The following B4GALT5 variants were observed in gnomAD, a reference collection of about 807,000 sequenced individuals.
B4GALT5 encodes beta-1,4-galactosyltransferase 5.
Under a neutral mutation model 45.0 loss-of-function variants are expected in B4GALT5, and 11 were observed. The ratio of observed to expected loss-of-function variants is 0.24; its 90% CI spans 0.15 to 0.40. The LOEUF is 0.40. Among genes scored for constraint, B4GALT5 ranks in the 10% least tolerant of loss-of-function variants. The probability of loss-of-function intolerance (pLI) is 1.00; values close to 1 mark genes in which losing one functional copy is unlikely to be tolerated. For synonymous variants in B4GALT5, 185 were observed against 182.9 expected, an observed-to-expected ratio of 1.01 and a Z score of -0.09; for missense variants, 337 against 500.2, an observed-to-expected ratio of 0.67 and a Z score of 3.11.
chr20:49,676,467 A>G (rs947188192), intron 1 of B4GALT5, among the ~76,000 whole-genome samples: 1 of 152,238 alleles, frequency 6.6e-6, no homozygotes, highest in African/African-American at 2.4e-5. Flanking sequence ...TTATGCTAGG[A>G]GCAGAAATAA....
intron 1 of B4GALT5, among the ~76,000 whole-genome samples, chr20:49,707,793 T>C (rs921560004): frequency 6.6e-6 from 1 of 152,052 alleles, no homozygotes; most frequent in African/African-American, 2.4e-5. Flanking sequence ...TTTGTATTTT[T>C]AGTAGAGACG....
intron 8 of B4GALT5, 95 bp from the exon 9 acceptor site, chr20:49,636,554 G>A (rs1288170325): frequency 1.9e-5 from 26 of 1,365,712 alleles, no homozygotes; most frequent in Admixed American, 4.2e-5. Context: ...AGCAGAGGAC[G>A]CAACCCATGG....
chr20:49,674,711 GAAGAAA>G (rs758935358), intron 1 of B4GALT5, among the ~76,000 whole-genome samples: 37 of 151,504 alleles, frequency 2.4e-4, no homozygotes, highest in Non-Finnish European at 4.6e-4. Flanking sequence ...AGAAGAAGAA[GAAGAAA>G]AAGAATTGCA....
At chr20:49,669,371 C>T (rs2085705856) in intron 1 of B4GALT5, among the ~76,000 whole-genome samples, 1 of 152,114 alleles carries the variant, frequency 6.6e-6, no homozygotes, top group Non-Finnish European at 1.5e-5. Flanking sequence ...TCATCAACTT[C>T]TGATAAATAG....
chr20:49,678,908 TC>T (rs1414567715), intron 1 of B4GALT5, among the ~76,000 whole-genome samples: 2 of 152,054 alleles, frequency 1.3e-5, no homozygotes, highest in Middle Eastern at 3.4e-3. Flanking sequence ...CTGGGGGGAA[TC>T]CCCAGGGTTC....
intron 1 of B4GALT5, among the ~76,000 whole-genome samples, chr20:49,691,149 T>A (rs983592715): frequency 3.9e-5 from 6 of 152,084 alleles, no homozygotes; most frequent in African/African-American, 1.4e-4. Flanking sequence ...TAGCTATAGA[T>A]GGGAAAAATG....
intron 2 of B4GALT5, among the ~76,000 whole-genome samples, chr20:49,650,487 A>G (rs1383197389): frequency 6.7e-6 from 1 of 148,922 alleles, no homozygotes; most frequent in African/African-American, 2.5e-5. Context: ...AAACACAAAA[A>G]TTAGCCGGGC....
intron 1 of B4GALT5, among the ~76,000 whole-genome samples, chr20:49,706,742 C>T (rs1006392761): frequency 4.6e-5 from 7 of 152,168 alleles, no homozygotes; most frequent in African/African-American, 1.7e-4. Flanking sequence ...TTACGATTAT[C>T]TGTTTGTCTT....
chr20:49,663,747 A>C (rs1369707777), intron 1 of B4GALT5, among the ~76,000 whole-genome samples: 1 of 147,222 alleles, frequency 6.8e-6, no homozygotes, highest in African/African-American at 2.5e-5. Flanking sequence ...GGCAAACCCT[A>C]AAACTAAATA....
chr20:49,647,076 A>C lies in B4GALT5; in HGVS notation c.253T>G (p.Tyr85Asp). ...TCACTGTGGTTCAAGTCAAGAGGAT[A>C]ATCTAGGGAGGTAAAGGAAAAAAGT... ...KRNSSVNDSD[Y>D]PLDLNHSETF... is the part of the protein sequence containing the mutation. Residue 85 changes from tyrosine to aspartate, a missense_variant and splice_region_variant, in exon 3 of 9, where the codon TAT becomes GAT. Physicochemically the swap from Tyr to Asp is radical, Grantham distance 160. This residue lies in a region of B4GALT5 where 174 missense variants were observed against 207.4 expected (regional missense o/e 0.84). Coordinates refer to ENST00000371711, the MANE Select transcript of B4GALT5 (RefSeq NM_004776.4). 1 of 1,609,470 alleles carries C rather than the reference A, an allele frequency of 6.2e-7. No homozygotes were observed. Among genetic ancestry groups the C allele is most frequent in the Non-Finnish European group, 8.5e-7 (1 of 1,176,606 alleles).
intron 1 of B4GALT5, among the ~76,000 whole-genome samples, chr20:49,690,710 A>C (rs770582062): frequency 6.6e-6 from 1 of 152,230 alleles, no homozygotes; most frequent in Non-Finnish European, 1.5e-5. Flanking sequence ...TCAATCTAAC[A>C]GCTAATTTTC....
At chr20:49,646,654 C>T (rs981784013) in intron 3 of B4GALT5, among the ~76,000 whole-genome samples, 6 of 152,102 alleles carry the variant, frequency 3.9e-5, no homozygotes, top group Non-Finnish European at 7.4e-5. Flanking sequence ...TCAGAAAGTA[C>T]CCTCGTTGTT....
At chr20:49,672,927 T>C (rs1568725829) in intron 1 of B4GALT5, among the ~76,000 whole-genome samples, 1 of 152,174 alleles carries the variant, frequency 6.6e-6, no homozygotes, top group Non-Finnish European at 1.5e-5. Context: ...GGGGGAAACG[T>C]GCATTTACAA....
At chr20:49,643,714 G>A (rs1456324579) in intron 3 of B4GALT5, 64 bp from the exon 4 acceptor site, 2 of 1,563,088 alleles carry the variant, frequency 1.3e-6, no homozygotes, top group Non-Finnish European at 1.7e-6. Context: ...TATGCCTGGG[G>A]TTTTAGTCTC....
chr20:49,672,825 G>GAA (rs138414088), intron 1 of B4GALT5, among the ~76,000 whole-genome samples: 1 of 151,078 alleles, frequency 6.6e-6, no homozygotes, highest in Non-Finnish European at 1.5e-5. Flanking sequence ...AAACAAACCA[G>GAA]AAAAAAAACA....
intron 1 of B4GALT5, among the ~76,000 whole-genome samples, chr20:49,673,800 T>C (rs1273647542): frequency 1.3e-5 from 2 of 152,134 alleles, no homozygotes; most frequent in Non-Finnish European, 2.9e-5. Context: ...TTATCAACAA[T>C]TTAACGTGGC....
At chr20:49,700,981 G>C (rs2085859113) in intron 1 of B4GALT5, among the ~76,000 whole-genome samples, 1 of 152,280 alleles carries the variant, frequency 6.6e-6, no homozygotes, top group South Asian at 2.1e-4. Flanking sequence ...CTGAACACCA[G>C]ATGAATTGGC....
At chr20:49,659,145 T>TA (rs1381548358) in intron 1 of B4GALT5, among the ~76,000 whole-genome samples, 1 of 152,234 alleles carries the variant, frequency 6.6e-6, no homozygotes, top group Non-Finnish European at 1.5e-5. Flanking sequence ...ATGGCTTAAA[T>TA]GCTTACTCTT....
intron 1 of B4GALT5, among the ~76,000 whole-genome samples, chr20:49,670,367 G>A (rs1029407778): frequency 6.6e-6 from 1 of 152,206 alleles, no homozygotes; most frequent in Admixed American, 6.5e-5. Flanking sequence ...CTGTTAGGGA[G>A]TAACAGTGAT....
Sources: allele counts gnomAD v4.1 joint callset (sites outside exome capture counted in the v4.1 genomes callset), GRCh38; gene constraint gnomAD v4.1.1; regional missense constraint gnomAD v4.1.1; transcripts MANE v1.5; gene names NCBI Gene and HGNC (gene_info 2026-07-23, HGNC 2026-07-21).